AUTS2: variants seen among roughly 807,000 people sequenced by gnomAD.
AUTS2 encodes autism susceptibility gene 2 protein.
In AUTS2, 17 loss-of-function variants were observed where a neutral mutation model predicts 112.4. The observed-to-expected ratio is 0.15, with a 90% CI of 0.10 to 0.23. The LOEUF (loss-of-function observed/expected upper bound fraction) is 0.23. Ranked by LOEUF, AUTS2 falls within the 10% of genes least tolerant of loss-of-function variation. The probability of loss-of-function intolerance (pLI) is 1.00; values close to 1 mark genes in which losing one functional copy is unlikely to be tolerated. For synonymous variants in AUTS2, 751 were observed against 702.7 expected, an observed-to-expected ratio of 1.07 and a Z score of -1.09; for missense variants, 1,510 against 1,701.6, an observed-to-expected ratio of 0.89 and a Z score of 1.98.
chr7:70,671,263 G>A (rs993420457), intron 5 of AUTS2, among the ~76,000 whole-genome samples: 22 of 152,282 alleles, frequency 1.4e-4, no homozygotes, highest in African/African-American at 2.9e-4. Flanking sequence ...TATTACACCC[G>A]CTGCCTCCCC....
chr7:69,747,065 T>G (rs1449353191), intron 1 of AUTS2, among the ~76,000 whole-genome samples: 1 of 152,194 alleles, frequency 6.6e-6, no homozygotes, highest in Non-Finnish European at 1.5e-5. Context: ...ATCTGTGTTT[T>G]CACAAATCCC....
intron 1 of AUTS2, among the ~76,000 whole-genome samples, chr7:69,741,503 G>C (rs1272776546): frequency 6.6e-6 from 1 of 152,052 alleles, no homozygotes; most frequent in Admixed American, 6.6e-5. Flanking sequence ...CCAGGAGTTC[G>C]AGACCAGCCT....
At chr7:70,342,538 C>T (rs1347331789) in intron 4 of AUTS2, among the ~76,000 whole-genome samples, 1 of 152,134 alleles carries the variant, frequency 6.6e-6, no homozygotes, top group East Asian at 1.9e-4. Flanking sequence ...CTGTCCAATA[C>T]AGGAGGCACT....
chr7:70,501,009 C>T (rs898680182), intron 5 of AUTS2, among the ~76,000 whole-genome samples: 2 of 152,154 alleles, frequency 1.3e-5, no homozygotes, highest in African/African-American at 4.8e-5. Context: ...AGGCATGAGC[C>T]ACTGTGCCTG....
intron 1 of AUTS2, among the ~76,000 whole-genome samples, chr7:69,865,305 T>C (rs1481533276): frequency 6.6e-6 from 1 of 152,150 alleles, no homozygotes; most frequent in Non-Finnish European, 1.5e-5. Context: ...TTGACACTTA[T>C]GGTTAAAGTG....
intron 2 of AUTS2, among the ~76,000 whole-genome samples, chr7:70,090,685 C>CTTT (rs1279080115): frequency 7.8e-6 from 1 of 129,012 alleles, no homozygotes; most frequent in Non-Finnish European, 1.7e-5. Flanking sequence ...AGATTTCTGT[C>CTTT]TTTTTTTTTT....
intron 5 of AUTS2, among the ~76,000 whole-genome samples, chr7:70,647,096 C>T (rs1165731676): frequency 6.6e-5 from 10 of 152,186 alleles, no homozygotes; most frequent in African/African-American, 2.4e-4. Context: ...TTGTTTTGTT[C>T]AGCAGCTGAT....
intron 1 of AUTS2, among the ~76,000 whole-genome samples, chr7:69,681,931 A>G (rs947228004): frequency 1.3e-5 from 2 of 152,186 alleles, no homozygotes; most frequent in African/African-American, 2.4e-5. Flanking sequence ...CCTGGGTTCA[A>G]ATCCTCCATT....
intron 1 of AUTS2, among the ~76,000 whole-genome samples, chr7:69,619,269 A>C (rs1262986732): frequency 6.6e-6 from 1 of 152,208 alleles, no homozygotes; most frequent in Non-Finnish European, 1.5e-5. Context: ...AAGCATAAGC[A>C]TCAGGAACTT....
chr7:69,907,532 T>C (rs1466215540), intron 2 of AUTS2, among the ~76,000 whole-genome samples: 1 of 152,220 alleles, frequency 6.6e-6, no homozygotes, highest in East Asian at 1.9e-4. Context: ...AAATTATTTA[T>C]AATACCTAGT....
At chr7:70,519,402 G>A (rs977743108) in intron 5 of AUTS2, among the ~76,000 whole-genome samples, 2 of 152,174 alleles carry the variant, frequency 1.3e-5, no homozygotes, top group Non-Finnish European at 2.9e-5. Context: ...AAATGTATTG[G>A]ATGGAATTAA....
intron 2 of AUTS2, among the ~76,000 whole-genome samples, chr7:70,044,842 G>A (rs1027339343): frequency 6.6e-6 from 1 of 152,010 alleles, no homozygotes; most frequent in Non-Finnish European, 1.5e-5. Flanking sequence ...ATTCCATGTA[G>A]ACAACTATGT....
At chr7:69,889,644 A>G (rs905473269) in intron 1 of AUTS2, among the ~76,000 whole-genome samples, 1 of 152,186 alleles carries the variant, frequency 6.6e-6, no homozygotes. Flanking sequence ...GATTTTTTTT[A>G]AAAAGAACAT....
At chr7:70,741,712 A>G (rs535594327) in intron 6 of AUTS2, among the ~76,000 whole-genome samples, 126 of 152,188 alleles carry the variant, frequency 8.3e-4, no homozygotes, top group African/African-American at 2.8e-3. Context: ...AAGAAAGAAA[A>G]AAAAAAGAAA....
At chr7:70,377,026 T>A (rs1439274509) in intron 4 of AUTS2, among the ~76,000 whole-genome samples, 1 of 151,818 alleles carries the variant, frequency 6.6e-6, no homozygotes, top group Non-Finnish European at 1.5e-5. Context: ...AATTGTGGCT[T>A]CATTGATGCC....
intron 2 of AUTS2, among the ~76,000 whole-genome samples, chr7:70,093,710 A>T (rs766198730): frequency 6.6e-6 from 1 of 152,236 alleles, no homozygotes; most frequent in Non-Finnish European, 1.5e-5. Context: ...TAAGGCCAGG[A>T]GATTCTGTAT....
At chr7:70,634,564 C>CCG (rs2129539007) in intron 5 of AUTS2, among the ~76,000 whole-genome samples, 1 of 152,306 alleles carries the variant, frequency 6.6e-6, no homozygotes, top group Non-Finnish European at 1.5e-5. Flanking sequence ...CTGGCTCCGT[C>CCG]ACCTTTGTGA....
intron 4 of AUTS2, among the ~76,000 whole-genome samples, chr7:70,156,271 C>G (rs1185101758): frequency 6.6e-6 from 1 of 152,226 alleles, no homozygotes; most frequent in Admixed American, 6.5e-5. Flanking sequence ...TTACTTGCAG[C>G]TGGCGGTGCC....
At chr7:70,707,213 T>C (rs1224032653) in intron 6 of AUTS2, among the ~76,000 whole-genome samples, 1 of 152,196 alleles carries the variant, frequency 6.6e-6, no homozygotes, top group African/African-American at 2.4e-5. Flanking sequence ...AATTTAGAAA[T>C]AGCATCTGCA....
Sources: allele counts gnomAD v4.1 joint callset (sites outside exome capture counted in the v4.1 genomes callset), GRCh38; gene constraint gnomAD v4.1.1; transcripts MANE v1.5; gene names NCBI Gene and HGNC (gene_info 2026-07-23, HGNC 2026-07-21).